The following MFSD6 variants were observed in gnomAD, a reference collection of about 807,000 sequenced individuals.
The protein encoded by MFSD6 is major facilitator superfamily domain-containing protein 6.
Under a neutral mutation model 56.3 loss-of-function variants are expected in MFSD6, and 26 were observed. The ratio of observed to expected loss-of-function variants is 0.46; its 90% CI spans 0.34 to 0.64. MFSD6 has a LOEUF of 0.64. Ranked by LOEUF, MFSD6 falls within the 30% of genes least tolerant of loss-of-function variation. The pLI, the probability that MFSD6 is intolerant of heterozygous loss-of-function variation, is 0.01. For synonymous variants in MFSD6, 331 were observed against 366.9 expected, an observed-to-expected ratio of 0.90 and a Z score of 1.12; for missense variants, 750 against 986.2, an observed-to-expected ratio of 0.76 and a Z score of 3.21.
At position 190,426,426 on chromosome 2, in the gene MFSD6, TG is replaced by T. The variant is rs1311951847; in HGVS notation, c.-53-9550del. 1.3e-5 allele frequency among the ~76,000 whole-genome samples: 2 copies of T among 152,226 alleles called. No homozygotes were observed. The highest frequency in any genetic ancestry group is 2.9e-5 in the Non-Finnish European group (2 of 68,036). ...CTTTGCTGAGACTTTCTGTTTTTTT[TG>T]TTTTGTTTCAAGCATGTTTATAATT... On this transcript the variant is annotated intron_variant, in intron 2 of 7. Transcript: ENST00000392328. The surrounding 1 kb of genome is among the most constrained non-coding windows in gnomAD (Gnocchi z 4.7).
At position 190,418,474 on chromosome 2, in the gene MFSD6, G is replaced by A. The variant is rs191352229; in HGVS notation, c.-54+3061G>A. Among the ~76,000 whole-genome samples the A allele has an allele frequency of 2.6e-5, 4 of 152,124 alleles. No individual in the cohort carries two copies. The highest frequency in any genetic ancestry group is 6.5e-5 in the Admixed American group (1 of 15,278). On this transcript the variant is annotated intron_variant, in intron 2 of 7. Transcript: ENST00000392328. This position sits in a 1 kb window ranked among gnomAD's most constrained non-coding sequence, Gnocchi z 4.1. ...AAAGGCCCACCAAGAATGACAAGGT[G>A]GTTGGGCACAGTGGCCCACACCTGT...
chr2:190,434,660 C>G lies in MFSD6; in HGVS notation c.-53-1317C>G, dbSNP rs1345836531. Among the ~76,000 whole-genome samples, 1 of 152,152 alleles carries G rather than the reference C, an allele frequency of 6.6e-6. No homozygotes were observed. The highest frequency in any genetic ancestry group is 2.4e-5 in the African/African-American group (1 of 41,444). On this transcript the variant is annotated intron_variant, in intron 2 of 7. Coordinates refer to ENST00000392328, the MANE Select transcript of MFSD6 (RefSeq NM_017694.4). This position sits in a 1 kb window ranked among gnomAD's most constrained non-coding sequence, Gnocchi z 4.3. ...TGTTGGCCAGGATGGTCTCAATCTC[C>G]TGAACTCATGATCCGCCCCCCTCAG...
rs186598482 is a variant in MFSD6 at position 190,490,889 on chromosome 2, T to A, written c.1891+1023T>A. ...CAGAAGCCTCAGAGACAGATTTTAATCTCAATGAGTTACTCAGAAAGAGCA... is the reference window on the plus strand; with the variant it reads ...CAGAAGCCTCAGAGACAGATTTTAAACTCAATGAGTTACTCAGAAAGAGCA... On this transcript the variant is annotated intron_variant, in intron 6 of 7. Coordinates refer to ENST00000392328, the MANE Select transcript of MFSD6 (RefSeq NM_017694.4). The surrounding 1 kb of genome is among the most constrained non-coding windows in gnomAD (Gnocchi z 4.5). Among the ~76,000 whole-genome samples, 55 of 152,330 alleles carry A rather than the reference T, an allele frequency of 3.6e-4. No homozygotes were observed. In the East Asian group the frequency reaches 0.01, roughly 28 times the overall value.
chr2:190,445,014 C>T (rs1352951247), intron 3 of MFSD6: 3 of 236,866 alleles, frequency 1.3e-5, no homozygotes, highest in Non-Finnish European at 2.1e-5. Flanking sequence ...CCTGAGGATA[C>T]AAGCCTGAAG....
chr2:190,458,853 C>G lies in MFSD6; in HGVS notation c.1533-10905C>G, dbSNP rs1051538143. Among the ~76,000 whole-genome samples, 7 of 152,228 alleles carry G rather than the reference C, an allele frequency of 4.6e-5. No individual in the cohort carries two copies. The highest frequency in any genetic ancestry group is 1.4e-4 in the African/African-American group (6 of 41,456). On this transcript the variant is annotated intron_variant, in intron 3 of 7. Transcript: ENST00000392328. This position sits in a 1 kb window ranked among gnomAD's most constrained non-coding sequence, Gnocchi z 5.3. Reference sequence around the variant, plus strand: ...ACCTGCATCTCTCCCTCTATTAGCTCTGTCTCCTTTTGGGCAGGCTTACTC... The same window carrying G: ...ACCTGCATCTCTCCCTCTATTAGCTGTGTCTCCTTTTGGGCAGGCTTACTC...
intron 2 of MFSD6, among the ~76,000 whole-genome samples, chr2:190,428,285 A>C (rs1000767122): frequency 1.3e-5 from 2 of 152,230 alleles, no homozygotes; most frequent in Non-Finnish European, 2.9e-5. Context: ...CATTAAAATT[A>C]TTCTGCAGTG....
intron 3 of MFSD6, among the ~76,000 whole-genome samples, chr2:190,449,898 A>G (rs1337326941): frequency 2.6e-5 from 4 of 152,170 alleles, no homozygotes; most frequent in African/African-American, 7.2e-5. Flanking sequence ...TAGCTTTAGG[A>G]GATATACCTA....
Position 190,438,136 on chromosome 2 carries a change from A to T in MFSD6, c.1532+575A>T, listed in dbSNP as rs887593156. ...TTTGGGTTATTACATGACTCCCTGCATTTCTGTCCACCATGAAGACATAGG... is the reference window on the plus strand; with the variant it reads ...TTTGGGTTATTACATGACTCCCTGCTTTTCTGTCCACCATGAAGACATAGG... On this transcript the variant is annotated intron_variant, in intron 3 of 7. Transcript: ENST00000392328. The surrounding 1 kb of genome is among the most constrained non-coding windows in gnomAD (Gnocchi z 5.2). 9.9e-5 allele frequency among the ~76,000 whole-genome samples: 15 copies of T among 151,876 alleles called. No homozygotes were observed. The highest frequency in any genetic ancestry group is 3.6e-4 in the African/African-American group (15 of 41,292).
At chr2:190,432,840 ACTCT>A (rs377459983) in intron 2 of MFSD6, among the ~76,000 whole-genome samples, 252 of 137,008 alleles carry the variant, frequency 1.8e-3, no homozygotes, top group African/African-American at 2.2e-3. Flanking sequence ...ACACACACAC[ACTCT>A]CTCTCTCTCT....
At chr2:190,493,510 C>T (rs991059303) in intron 6 of MFSD6, among the ~76,000 whole-genome samples, 4 of 152,158 alleles carry the variant, frequency 2.6e-5, no homozygotes, top group Non-Finnish European at 5.9e-5. Flanking sequence ...TGGATTTAAA[C>T]TATACCCTGG....
rs2125244134 is a variant in MFSD6 at position 190,490,856 on chromosome 2, G to A, written c.1891+990G>A. 6.6e-6 allele frequency among the ~76,000 whole-genome samples: 1 copy of A among 152,322 alleles called. No individual in the cohort carries two copies. The highest frequency in any genetic ancestry group is 2.1e-4 in the South Asian group (1 of 4,830). On this transcript the variant is annotated intron_variant, in intron 6 of 7. Coordinates refer to ENST00000392328, the MANE Select transcript of MFSD6 (RefSeq NM_017694.4). The surrounding 1 kb of genome is among the most constrained non-coding windows in gnomAD (Gnocchi z 4.5). ...AATGCTTCTGTGAAGAGAAAAACTT[G>A]CTTGTTACAGAAGCCTCAGAGACAG...
rs947698732 is a variant in MFSD6, at chr2:190,501,845, C to T, written c.*1627C>T. 6.6e-5 allele frequency: 10 copies of T among 152,514 alleles called. No homozygotes were observed. The highest frequency in any genetic ancestry group is 1.5e-5 in the Non-Finnish European group (1 of 68,010). The allele number at this position is 152,514 out of a possible 1,614,324, so 9.4% of individuals were successfully genotyped here. A position where few individuals can be genotyped will look rare whatever the true frequency, so the allele number is the denominator to read the frequency against. ...TAAATTATGACTCATTTTAAGTGAC[C>T]TTTAAAATCAGATGTATTTATTATG... On this transcript the variant is annotated 3_prime_UTR_variant, in exon 8 of 8. Coordinates refer to ENST00000392328, the MANE Select transcript of MFSD6 (RefSeq NM_017694.4).
Position 190,450,174 on chromosome 2 carries a change from C to T in MFSD6, c.1532+12613C>T, listed in dbSNP as rs574411830. Among the ~76,000 whole-genome samples, 11 of 152,120 alleles carry T rather than the reference C, an allele frequency of 7.2e-5. No individual in the cohort carries two copies. The East Asian group carries it at 9.7e-4, about 13-fold the overall frequency. ...TGAGTAATAGAGTGTCAGTTTACTG[C>T]GTTTTTATTGTACAAGTCAAAAGTC... On this transcript the variant is annotated intron_variant, in intron 3 of 7. Transcript: ENST00000392328.
upstream of MFSD6, chr2:190,408,312 G>T (rs1690386688): frequency 7.1e-6 from 1 of 141,118 alleles, no homozygotes; most frequent in South Asian, 2.1e-4. Context: ...GGCCCCACCC[G>T]GTCCGCATCC....
rs1419147823 is a variant in MFSD6 at position 190,413,019 on chromosome 2, A to T, written c.-175-2273A>T. ...TGGAACACCTAAACCTTGAGCCTAT[A>T]TGTTAATATGTGTCTGCTATAGTTA... On this transcript the variant is annotated intron_variant, in intron 1 of 7. Transcript: ENST00000392328. This position sits in a 1 kb window ranked among gnomAD's most constrained non-coding sequence, Gnocchi z 4.1. Among the ~76,000 whole-genome samples the T allele has an allele frequency of 6.6e-6, 1 of 152,204 alleles. No homozygotes were observed. Among genetic ancestry groups the T allele is most frequent in the East Asian group, 1.9e-4 (1 of 5,200 alleles).
rs894402206 is a variant in MFSD6 at position 190,423,993 on chromosome 2, G to A, written c.-54+8580G>A. Among the ~76,000 whole-genome samples, 1 of 152,114 alleles carries A rather than the reference G, an allele frequency of 6.6e-6. No homozygotes were observed. Among genetic ancestry groups the A allele is most frequent in the Non-Finnish European group, 1.5e-5 (1 of 68,002 alleles). Reference sequence around the variant, plus strand: ...TTTTTGTCCATTTTCTAATTGGATTGTTTGTTGAGTTTGGAGAATTCTTTA... The same window carrying A: ...TTTTTGTCCATTTTCTAATTGGATTATTTGTTGAGTTTGGAGAATTCTTTA... On this transcript the variant is annotated intron_variant, in intron 2 of 7. Coordinates refer to ENST00000392328, the MANE Select transcript of MFSD6 (RefSeq NM_017694.4). This position sits in a 1 kb window ranked among gnomAD's most constrained non-coding sequence, Gnocchi z 4.3.
intron 4 of MFSD6, among the ~76,000 whole-genome samples, chr2:190,484,530 C>G (rs1198148109): frequency 2.6e-5 from 4 of 152,022 alleles, no homozygotes; most frequent in Admixed American, 2.6e-4. Flanking sequence ...TGGGAAATGG[C>G]GGAGGGTTTT....
At position 190,436,766 on chromosome 2, in the gene MFSD6, C is replaced by T. The variant is rs1686190860; in HGVS notation, c.737C>T (p.Thr246Ile). 6.2e-7 allele frequency: 1 copy of T among 1,614,196 alleles called. No individual in the cohort carries two copies. Among genetic ancestry groups the T allele is most frequent in the East Asian group, 2.2e-5 (1 of 44,894 alleles). Residue 246 changes from threonine to isoleucine, a missense_variant, in exon 3 of 8, where the codon ACA becomes ATA. This residue lies in a region of MFSD6 where 376 missense variants were observed against 437.9 expected (regional missense o/e 0.86). Transcript: ENST00000392328. The surrounding 1 kb of genome is among the most constrained non-coding windows in gnomAD (Gnocchi z 5.3). ...RMMDLTLNSS[T>I]ATPVSPGSVT... is the part of the protein sequence containing the mutation. ...ATGGACTTGACTTTGAACTCAAGCA[C>T]AGCAACCCCTGTCTCCCCAGGAAGC...
rs1309645645 is a variant in MFSD6 at position 190,497,394 on chromosome 2, G to A, written c.1892-45G>A. 3 of 1,588,340 alleles carry A rather than the reference G, an allele frequency of 1.9e-6. No individual in the cohort carries two copies. The highest frequency in any genetic ancestry group is 2.6e-6 in the Non-Finnish European group (3 of 1,164,828). On this transcript the variant is annotated intron_variant, in intron 6 of 7. Coordinates refer to ENST00000392328, the MANE Select transcript of MFSD6 (RefSeq NM_017694.4). This position sits in a 1 kb window ranked among gnomAD's most constrained non-coding sequence, Gnocchi z 5.2. ...TTTATTTTTACCTTTGTTCAAATAT[G>A]TAGAAAATGCTGAAAAAATAGTTTA...
Sources: gnomAD v4.1 joint callset for allele counts (sites outside exome capture counted in the v4.1 genomes callset) on GRCh38, gnomAD v4.1.1 for gene constraint, gnomAD v4.1.1 regional missense constraint, Gnocchi (gnomAD v3.1) non-coding constraint, MANE v1.5 for transcripts, NCBI Gene and HGNC (gene_info 2026-07-23, HGNC 2026-07-21) for gene names.